Variants in CEP20 observed in about 807,000 individuals in gnomAD.
CEP20 encodes FGFR1OP N-terminal like.
In CEP20, 18 loss-of-function variants were observed where a neutral mutation model predicts 20.0. That is an observed-to-expected ratio of 0.90 (90% CI 0.62 to 1.34). CEP20 has a LOEUF of 1.34. Among genes scored for constraint, CEP20 ranks in the 40% most tolerant of loss-of-function variants. The pLI, the probability that CEP20 is intolerant of heterozygous loss-of-function variation, is 0.00. For missense variants in CEP20, 215 were observed against 201.6 expected, an observed-to-expected ratio of 1.07 and a Z score of -0.40; for synonymous variants, 77 against 73.7, an observed-to-expected ratio of 1.04 and a Z score of -0.23.
chr16:15,868,190 C>A lies in CEP20; in HGVS notation c.449-674G>T, dbSNP rs150376932. Among the ~76,000 whole-genome samples the A allele has an allele frequency of 1.1e-4, 16 of 151,582 alleles. No homozygotes were observed. In the East Asian group the frequency reaches 3.2e-3, roughly 30 times the overall value. On this transcript the variant is annotated intron_variant, in intron 4 of 4. Transcript: ENST00000255759. The stretch of plus-strand genomic sequence containing the variant: ...CATTTTGAGGGTTGCCAAAGCTCTT[C>A]AATTACAACACAATGAAAACCACTT...
intron 4 of CEP20, among the ~76,000 whole-genome samples, chr16:15,871,108 A>G (rs1181194027): frequency 6.6e-6 from 1 of 151,970 alleles, no homozygotes; most frequent in East Asian, 1.9e-4. Context: ...CTAAAAATAC[A>G]AAAATTAGGC....
chr16:15,870,569 G>A (rs921818374), intron 4 of CEP20, among the ~76,000 whole-genome samples: 14 of 152,052 alleles, frequency 9.2e-5, no homozygotes, highest in African/African-American at 1.9e-4. Flanking sequence ...TCACAATACC[G>A]TAAAAGCAAA....
chr16:15,887,964 C>T (rs2045285035), intron 1 of CEP20, among the ~76,000 whole-genome samples: 1 of 151,782 alleles, frequency 6.6e-6, no homozygotes, highest in African/African-American at 2.4e-5. Flanking sequence ...TGTATTCCCA[C>T]CTGCTCTGGA....
At position 15,873,571 on chromosome 16, in the gene CEP20, T is replaced by C; in HGVS notation, c.368A>G (p.Gln123Arg). Residue 123 changes from glutamine (Q) to arginine (R), a missense_variant, in exon 4 of 5, where the codon CAG becomes CGG. Transcript: ENST00000255759. ...TGAAGGCCCTTTCAGAAATGCATTC[T>C]GGATGCCATCCTTAGTTCCACGCAA... ...HFLRGTKDGIQNAFLKGPSLQ... is the reference protein window; with the variant it reads ...HFLRGTKDGIRNAFLKGPSLQ... 6.2e-7 allele frequency: 1 copy of C among 1,614,136 alleles called. No homozygotes were observed. The highest frequency in any genetic ancestry group is 1.3e-5 in the African/African-American group (1 of 75,054).
At chr16:15,881,763 T>C (rs759025345) in intron 2 of CEP20, among the ~76,000 whole-genome samples, 43 of 152,092 alleles carry the variant, frequency 2.8e-4, no homozygotes, top group Non-Finnish European at 4.3e-4. Context: ...CAGAAGATAT[T>C]AAAAATATTC....
chr16:15,876,693 G>C (rs1428439238), intron 3 of CEP20, among the ~76,000 whole-genome samples: 1 of 152,130 alleles, frequency 6.6e-6, no homozygotes, highest in African/African-American at 2.4e-5. Context: ...CTGCAGATCT[G>C]TAAGTAAATA....
At chr16:15,885,299 C>A (rs1369373224) in intron 1 of CEP20, among the ~76,000 whole-genome samples, 2 of 150,864 alleles carry the variant, frequency 1.3e-5, no homozygotes, top group African/African-American at 4.9e-5. Flanking sequence ...AAGAGTGAGA[C>A]TCTGTTTAAA....
intron 2 of CEP20, among the ~76,000 whole-genome samples, chr16:15,880,141 T>C (rs1033668762): frequency 6.6e-6 from 1 of 152,224 alleles, no homozygotes; most frequent in Admixed American, 6.5e-5. Context: ...AAAAATACCA[T>C]TTCTATATCC....
chr16:15,881,205 T>C (rs1419416570), intron 2 of CEP20, among the ~76,000 whole-genome samples: 1 of 152,102 alleles, frequency 6.6e-6, no homozygotes, highest in Non-Finnish European at 1.5e-5. Context: ...ACTGTACAGT[T>C]TAAAAGGTAA....
intron 3 of CEP20, among the ~76,000 whole-genome samples, chr16:15,875,707 A>T (rs1204978977): frequency 6.6e-6 from 1 of 152,160 alleles, no homozygotes; most frequent in African/African-American, 2.4e-5. Context: ...TGAAAACTGG[A>T]TTCTCTTCAT....
intron 2 of CEP20, among the ~76,000 whole-genome samples, chr16:15,882,761 A>C (rs2045132012): frequency 8.3e-6 from 1 of 120,650 alleles, no homozygotes; most frequent in Admixed American, 9.7e-5. Context: ...CTATCTATCT[A>C]TCTATCTATC....
Position 15,888,568 on chromosome 16 carries a change from C to T in CEP20, c.18G>A (p.Glu6=), listed in dbSNP as rs1351525874. The T allele has an allele frequency of 6.2e-7, 1 of 1,614,106 alleles. No homozygotes were observed. The highest frequency in any genetic ancestry group is 1.7e-5 in the Admixed American group (1 of 60,012). The change falls in exon 1 of 5, where the codon GAG becomes GAA. Residue 6 remains glutamate, a synonymous_variant. Transcript: ENST00000255759. MATVA[E]LKAVLKDTLE... ...CCTGCTCGCACTCACCAGCCTTCAA[C>T]TCTGCCACAGTCGCCATTTTTCAAC... is the stretch of plus-strand genomic sequence containing the variant.
At chr16:15,883,420 T>G (rs774526010) in intron 2 of CEP20, among the ~76,000 whole-genome samples, 11 of 152,144 alleles carry the variant, frequency 7.2e-5, no homozygotes, top group Non-Finnish European at 1.6e-4. Context: ...AGTGCAGTGA[T>G]GCGATCATGG....
chr16:15,869,992 C>T (rs2044774523), intron 4 of CEP20, among the ~76,000 whole-genome samples: 1 of 152,172 alleles, frequency 6.6e-6, no homozygotes, highest in South Asian at 2.1e-4. Context: ...CCCAAGGTGG[C>T]TTTACTGACT....
chr16:15,879,177 A>T (rs2045038695), intron 3 of CEP20, among the ~76,000 whole-genome samples: 1 of 152,228 alleles, frequency 6.6e-6, no homozygotes, highest in Admixed American at 6.5e-5. Flanking sequence ...TAGTAACGAA[A>T]GCAGTGGGCT....
intron 2 of CEP20, among the ~76,000 whole-genome samples, chr16:15,880,559 G>T (rs757564617): frequency 6.6e-5 from 10 of 152,094 alleles, no homozygotes; most frequent in Non-Finnish European, 1.5e-4. Flanking sequence ...GTGTTCAAAG[G>T]AAAAACAAAC....
chr16:15,888,513 A>G (rs746201336), intron 1 of CEP20, 45 bp downstream of exon 1: 5 of 1,613,618 alleles, frequency 3.1e-6, no homozygotes, highest in Non-Finnish European at 3.4e-6. Flanking sequence ...CCACAAGATG[A>G]AGGCCCGACG....
chr16:15,879,978 C>G (rs1378798563), intron 2 of CEP20, 90 bp from the exon 3 acceptor site: 1 of 868,474 alleles, frequency 1.2e-6, no homozygotes, highest in Non-Finnish European at 1.8e-6. Flanking sequence ...CAGACATACA[C>G]TTTTTAGATT....
intron 2 of CEP20, among the ~76,000 whole-genome samples, chr16:15,883,327 C>T (rs2045156946): frequency 6.6e-6 from 1 of 152,118 alleles, no homozygotes. Context: ...CGCACCACTG[C>T]AGTCCAGCCT....
Sources: allele counts gnomAD v4.1 joint callset (sites outside exome capture counted in the v4.1 genomes callset), GRCh38; gene constraint gnomAD v4.1.1; transcripts MANE v1.5; gene names NCBI Gene and HGNC (gene_info 2026-07-23, HGNC 2026-07-21).